MNAT1: variants seen among roughly 807,000 people sequenced by gnomAD.
The protein encoded by MNAT1 is MNAT1 component of CDK activating kinase.
Under a neutral mutation model 42.0 loss-of-function variants are expected in MNAT1, and 43 were observed. The observed-to-expected ratio is 1.02, with a 90% confidence interval of 0.80 to 1.32. The LOEUF (loss-of-function observed/expected upper bound fraction) is 1.32. MNAT1 is among the 40% of genes most tolerant of loss of function. The pLI is 0.00. For missense variants in MNAT1, 306 were observed against 350.4 expected, an observed-to-expected ratio of 0.87 and a Z score of 1.01; for synonymous variants, 118 against 120.0, an observed-to-expected ratio of 0.98 and a Z score of 0.11.
In MNAT1 at chr14:60,798,083, A is replaced by T; in HGVS notation, c.243-4A>T. 1 of 1,330,182 alleles carries T rather than the reference A, an allele frequency of 7.5e-7. No individual in the cohort carries two copies. Among genetic ancestry groups the T allele is most frequent in the Admixed American group, 1.9e-5 (1 of 53,050 alleles). The allele number at this position is 1,330,182 out of a possible 1,614,324, so 82.4% of individuals were successfully genotyped here. On this transcript the variant is annotated splice_region_variant and splice_polypyrimidine_tract_variant and intron_variant, in intron 2 of 7. Transcript: ENST00000261245. ...ATGTAGATTTCTTTTTTCTTTTCTT[A>T]AAGATACAATAAAAGGGAAGAAGAT... is the stretch of plus-strand genomic sequence containing the variant.
intron 7 of MNAT1, among the ~76,000 whole-genome samples, chr14:60,938,902 A>C (rs372275142): frequency 6.6e-6 from 1 of 152,144 alleles, no homozygotes; most frequent in South Asian, 2.1e-4. Context: ...TATTGCCTCA[A>C]TTTCAGAGCC....
intron 6 of MNAT1, among the ~76,000 whole-genome samples, chr14:60,832,726 G>T (rs906807867): frequency 1.3e-5 from 2 of 152,014 alleles, no homozygotes; most frequent in Non-Finnish European, 1.5e-5. Context: ...AAAGTTAATG[G>T]TACCTTGATA....
At chr14:60,812,334 C>A (rs2032578166) in intron 5 of MNAT1, among the ~76,000 whole-genome samples, 1 of 152,202 alleles carries the variant, frequency 6.6e-6, no homozygotes, top group Admixed American at 6.5e-5. Flanking sequence ...TGTTTTTATG[C>A]TCACAATTCT....
chr14:60,951,138 CAT>C (rs1349591249), intron 7 of MNAT1, among the ~76,000 whole-genome samples: 2 of 151,924 alleles, frequency 1.3e-5, no homozygotes, highest in African/African-American at 4.8e-5. Context: ...AATATAATAA[CAT>C]AATAATTGTG....
intron 7 of MNAT1, among the ~76,000 whole-genome samples, chr14:60,918,508 A>G (rs1343431432): frequency 6.6e-6 from 1 of 151,368 alleles, no homozygotes. Context: ...GTGCCCGGCC[A>G]ATTGTTCATT....
chr14:60,819,474 C>G (rs997460578), intron 6 of MNAT1, among the ~76,000 whole-genome samples: 1 of 151,470 alleles, frequency 6.6e-6, no homozygotes, highest in Non-Finnish European at 1.5e-5. Context: ...TGTAGCCACT[C>G]TAAATATGTA....
At chr14:60,943,044 G>T (rs1385711389) in intron 7 of MNAT1, among the ~76,000 whole-genome samples, 5 of 86,434 alleles carry the variant, frequency 5.8e-5, no homozygotes, top group East Asian at 2.7e-4. Flanking sequence ...GTGTGTGTGT[G>T]TGTGTGCGCT....
At chr14:60,907,526 G>C (rs1290114634) in intron 7 of MNAT1, among the ~76,000 whole-genome samples, 3 of 150,640 alleles carry the variant, frequency 2.0e-5, no homozygotes, top group Non-Finnish European at 4.4e-5. Context: ...GGGGACATTT[G>C]AAAGTTCCTA....
chr14:60,847,661 T>G (rs566985811), intron 6 of MNAT1, among the ~76,000 whole-genome samples: 1 of 152,160 alleles, frequency 6.6e-6, no homozygotes, highest in Non-Finnish European at 1.5e-5. Flanking sequence ...TGCTCTTTTT[T>G]GTGTTAAATA....
chr14:60,875,491 C>G (rs1566527763), intron 6 of MNAT1, among the ~76,000 whole-genome samples: 1 of 152,052 alleles, frequency 6.6e-6, no homozygotes. Context: ...GTCACAATAT[C>G]TAACCCCCAT....
chr14:60,859,496 T>C lies in MNAT1; in HGVS notation c.688-20218T>C, dbSNP rs17097829. ...GACTTTTGAGAATCAGATTTTTACATTGGGAAATATGAAGATGAAAAAAAT... is the reference window on the plus strand; with the variant it reads ...GACTTTTGAGAATCAGATTTTTACACTGGGAAATATGAAGATGAAAAAAAT... On this transcript the variant is annotated intron_variant, in intron 6 of 7. Coordinates refer to ENST00000261245, the MANE Select transcript of MNAT1 (RefSeq NM_002431.4). 5.1e-3 allele frequency among the ~76,000 whole-genome samples: 783 copies of C among 152,286 alleles called. 16 individuals carry two copies. Among genetic ancestry groups the C allele is most frequent in the African/African-American group, 0.018 (733 of 41,562 alleles).
At chr14:60,766,623 A>G (rs1339849455) in intron 1 of MNAT1, among the ~76,000 whole-genome samples, 1 of 151,706 alleles carries the variant, frequency 6.6e-6, no homozygotes, top group Non-Finnish European at 1.5e-5. Flanking sequence ...GAGGCACGAG[A>G]ATTGCTTGAA....
chr14:60,835,518 A>T (rs186236682), intron 6 of MNAT1, among the ~76,000 whole-genome samples: 1 of 152,330 alleles, frequency 6.6e-6, no homozygotes, highest in East Asian at 1.9e-4. Context: ...TTGGCTGGAT[A>T]TAACATTCTG....
At chr14:60,800,788 G>A (rs2032178768) in intron 3 of MNAT1, among the ~76,000 whole-genome samples, 1 of 152,130 alleles carries the variant, frequency 6.6e-6, no homozygotes, top group Middle Eastern at 3.2e-3. Context: ...TTATTAAAGA[G>A]TGGTTCTACT....
intron 1 of MNAT1, among the ~76,000 whole-genome samples, chr14:60,794,735 T>C (rs1198200918): frequency 6.7e-6 from 1 of 149,302 alleles, no homozygotes; most frequent in African/African-American, 2.5e-5. Flanking sequence ...TGTATGTATA[T>C]ATTTAAAGAT....
chr14:60,830,352 A>G (rs1386223105), intron 6 of MNAT1, among the ~76,000 whole-genome samples: 1 of 152,204 alleles, frequency 6.6e-6, no homozygotes, highest in Admixed American at 6.5e-5. Flanking sequence ...ATTCAGATAC[A>G]TAGATTCACT....
chr14:60,861,728 T>A (rs2034100002), intron 6 of MNAT1, among the ~76,000 whole-genome samples: 1 of 152,222 alleles, frequency 6.6e-6, no homozygotes, highest in Non-Finnish European at 1.5e-5. Context: ...TGAACCTGAC[T>A]TTCAGGATAG....
intron 7 of MNAT1, among the ~76,000 whole-genome samples, chr14:60,903,797 G>C (rs1420504338): frequency 6.7e-6 from 1 of 149,006 alleles, no homozygotes; most frequent in Non-Finnish European, 1.5e-5. Flanking sequence ...TATATGGATT[G>C]TGTAAGAATG....
intron 3 of MNAT1, among the ~76,000 whole-genome samples, chr14:60,807,436 A>G (rs932851190): frequency 6.6e-6 from 1 of 152,096 alleles, no homozygotes; most frequent in Non-Finnish European, 1.5e-5. Context: ...GTAATTGGAG[A>G]AGGGGTGGAA....
Sources: allele counts gnomAD v4.1 joint callset (sites outside exome capture counted in the v4.1 genomes callset), GRCh38; gene constraint gnomAD v4.1.1; transcripts MANE v1.5; gene names NCBI Gene and HGNC (gene_info 2026-07-23, HGNC 2026-07-21).